The following OCA2 variants were observed in gnomAD, a reference collection of about 807,000 sequenced individuals.
OCA2 encodes the protein P protein.
A neutral mutation model predicts 100.2 loss-of-function variants in OCA2; 77 were observed. That is an observed-to-expected ratio of 0.77 (90% CI 0.64 to 0.93). The LOEUF is 0.93. Among genes scored for constraint, OCA2 ranks in the 40% least tolerant of loss-of-function variants. The probability of loss-of-function intolerance (pLI) is 0.00; values close to 1 mark genes in which losing one functional copy is unlikely to be tolerated. For synonymous variants in OCA2, 432 were observed against 439.2 expected (o/e 0.98, Z 0.21); for missense variants, 1,062 against 1,089.1 (o/e 0.98, Z 0.35).
At chr15:27,852,997 T>C (rs1337264966) in intron 21 of OCA2, among the ~76,000 whole-genome samples, 168 of 95,726 alleles carry the variant, frequency 1.8e-3, no homozygotes, top group South Asian at 2.0e-3. Flanking sequence ...AGTTCAACCA[T>C]TGTGGAAGTC....
At chr15:27,721,129 G>C in the OCA2 span, among the ~76,000 whole-genome samples, 1 of 152,116 alleles carries the variant, frequency 6.6e-6, no homozygotes, top group Non-Finnish European at 1.5e-5. Context: ...TTGATTCTGG[G>C]AACTTCAGAG....
intron 23 of OCA2, among the ~76,000 whole-genome samples, chr15:27,775,158 G>A (rs574442337): frequency 2.4e-4 from 37 of 152,142 alleles, no homozygotes; most frequent in Admixed American, 1.4e-3. Flanking sequence ...CCTGGGCCAC[G>A]TGAACCAGGA....
chr15:27,787,952 TTTTC>T (rs2032897742), intron 23 of OCA2, among the ~76,000 whole-genome samples: 1 of 152,030 alleles, frequency 6.6e-6, no homozygotes. Flanking sequence ...GTTCAAAATA[TTTTC>T]TTTCTTTGTG....
chr15:27,868,312 C>T (rs1411256873), intron 21 of OCA2, among the ~76,000 whole-genome samples: 1 of 152,126 alleles, frequency 6.6e-6, no homozygotes, highest in Admixed American at 6.5e-5. Context: ...GAAAAACTTG[C>T]GTGTCCACTG....
At chr15:27,966,118 G>A (rs931554505) in intron 15 of OCA2, among the ~76,000 whole-genome samples, 1 of 152,144 alleles carries the variant, frequency 6.6e-6, no homozygotes, top group Non-Finnish European at 1.5e-5. Flanking sequence ...TTACAGGCCT[G>A]TGCCACCATG....
intron 23 of OCA2, among the ~76,000 whole-genome samples, chr15:27,771,360 G>A (rs1015608012): frequency 6.6e-6 from 1 of 150,670 alleles, no homozygotes; most frequent in Admixed American, 6.6e-5. Flanking sequence ...CCCTGCCTGC[G>A]AGAGGCCCCG....
At chr15:27,922,921 C>T (rs1004222572) in intron 19 of OCA2, among the ~76,000 whole-genome samples, 14 of 152,028 alleles carry the variant, frequency 9.2e-5, no homozygotes, top group African/African-American at 3.4e-4. Flanking sequence ...AGGTATTAAG[C>T]CTAGCACCCA....
At chr15:27,811,337 T>C (rs1220637352) in intron 23 of OCA2, among the ~76,000 whole-genome samples, 12 of 152,128 alleles carry the variant, frequency 7.9e-5, no homozygotes, top group Admixed American at 7.9e-4. Flanking sequence ...TACAGAGTGA[T>C]ATAATGGATT....
chr15:27,959,841 C>A (rs1219093637), intron 15 of OCA2, among the ~76,000 whole-genome samples: 1 of 152,244 alleles, frequency 6.6e-6, no homozygotes, highest in Non-Finnish European at 1.5e-5. Context: ...TGCTGCTCCA[C>A]TCAGATCAAC....
At chr15:28,012,487 A>G (rs190860597) in intron 9 of OCA2, among the ~76,000 whole-genome samples, 1 of 152,130 alleles carries the variant, frequency 6.6e-6, no homozygotes, top group African/African-American at 2.4e-5. Flanking sequence ...GCTCCCTTCT[A>G]TGTGTGGCTG....
chr15:27,730,071 A>T, the OCA2 span, among the ~76,000 whole-genome samples: 1 of 152,200 alleles, frequency 6.6e-6, no homozygotes, highest in Non-Finnish European at 1.5e-5. Flanking sequence ...CAGTCCCTCA[A>T]GACCACCCCA....
the OCA2 span, among the ~76,000 whole-genome samples, chr15:27,720,770 G>T: frequency 2.2e-4 from 34 of 152,042 alleles, no homozygotes; most frequent in Admixed American, 4.6e-4. Flanking sequence ...TGACCAAATG[G>T]TATACTGTGC....
intron 2 of OCA2, among the ~76,000 whole-genome samples, chr15:28,039,008 CAA>C (rs2043124779): frequency 1.3e-5 from 2 of 151,960 alleles, no homozygotes; most frequent in Admixed American, 1.3e-4. Flanking sequence ...TAGTAGTAAC[CAA>C]AAGAGAGTTA....
At chr15:27,738,348 G>T in the OCA2 span, among the ~76,000 whole-genome samples, 3 of 152,110 alleles carry the variant, frequency 2.0e-5, no homozygotes, top group Admixed American at 1.3e-4. Context: ...ACTCTGCTAC[G>T]TGCCAAGACC....
chr15:27,862,799 G>C (rs143160027), intron 21 of OCA2, among the ~76,000 whole-genome samples: 1 of 152,142 alleles, frequency 6.6e-6, no homozygotes, highest in South Asian at 2.1e-4. Flanking sequence ...AAGTTCGTAT[G>C]TCAAATTTGC....
intron 19 of OCA2, among the ~76,000 whole-genome samples, chr15:27,907,947 C>G (rs1261156041): frequency 6.6e-6 from 1 of 151,988 alleles, no homozygotes; most frequent in Non-Finnish European, 1.5e-5. Flanking sequence ...ACCAGATAGT[C>G]ACAATTATCT....
chr15:27,837,234 A>G (rs2035187649), intron 23 of OCA2, among the ~76,000 whole-genome samples: 1 of 152,228 alleles, frequency 6.6e-6, no homozygotes, highest in African/African-American at 2.4e-5. Context: ...AAGTGCCGCA[A>G]ATAAGATTCC....
chr15:28,050,117 G>GA (rs529998452), intron 2 of OCA2, among the ~76,000 whole-genome samples: 82 of 150,360 alleles, frequency 5.5e-4, no homozygotes, highest in Non-Finnish European at 8.3e-4. Flanking sequence ...CATCTCTCCA[G>GA]AAAAAAAAAT....
chr15:27,869,720 G>T (rs544764633), intron 21 of OCA2, among the ~76,000 whole-genome samples: 1 of 152,142 alleles, frequency 6.6e-6, no homozygotes, highest in South Asian at 2.1e-4. Context: ...TCCTGCGCTC[G>T]GTCCGCAACT....
Sources: allele counts gnomAD v4.1 joint callset (sites outside exome capture counted in the v4.1 genomes callset), GRCh38; gene constraint gnomAD v4.1.1; transcripts MANE v1.5; gene names NCBI Gene and HGNC (gene_info 2026-07-23, HGNC 2026-07-21).